Variants in ZFP1 observed in about 807,000 individuals in gnomAD.
ZFP1 encodes ZFP1 zinc finger protein.
Under a neutral mutation model 38.5 loss-of-function variants are expected in ZFP1, and 32 were observed. The ratio of observed to expected loss-of-function variants is 0.83; its 90% CI spans 0.63 to 1.12. ZFP1 has a LOEUF of 1.12. Ranked by LOEUF, ZFP1 falls within the 50% of genes most tolerant of loss-of-function variation. The probability of loss-of-function intolerance (pLI) is 0.00; values close to 1 mark genes in which losing one functional copy is unlikely to be tolerated. For synonymous variants in ZFP1, 245 were observed against 168.8 expected (o/e 1.45, Z -3.50); for missense variants, 616 against 480.8 (o/e 1.28, Z -2.63).
At position 75,169,815 on chromosome 16, in the gene ZFP1, T is replaced by C. The variant is rs1489600643; in HGVS notation, c.705T>C (p.Thr235=). The part of the protein sequence containing the change: ...ANLIKHQRIH[T]GEKPFECPEC... ...TCATCAAACATCAGAGAATTCACAC[T>C]GGGGAGAAACCTTTCGAGTGTCCGG... The change falls in exon 4 of 4, where the codon ACT becomes ACC. Residue 235 remains threonine, a synonymous_variant. Transcript: ENST00000570010. 1 of 1,614,120 alleles carries C rather than the reference T, an allele frequency of 6.2e-7. No homozygotes were observed. The highest frequency in any genetic ancestry group is 1.7e-5 in the Admixed American group (1 of 60,012).
At position 75,170,375 on chromosome 16, in the gene ZFP1, C is replaced by G. The variant is rs773595267; in HGVS notation, c.*41C>G. 18 of 1,521,720 alleles carry G rather than the reference C, an allele frequency of 1.2e-5. No individual in the cohort carries two copies. The highest frequency in any genetic ancestry group is 1.4e-5 in the Non-Finnish European group (16 of 1,136,056). 94.3% of individuals were successfully genotyped at this position (1,521,720 alleles called of 1,614,324 possible). ...TTACTGTGGAAAACTCCTGCCAGAA[C>G]TCTTCAAGCGGGTGAAAAACCTCAT... On this transcript the variant is annotated 3_prime_UTR_variant, in exon 4 of 4. Transcript: ENST00000570010.
chr16:75,134,759 A>T, the ZFP1 span, among the ~76,000 whole-genome samples: 1 of 150,696 alleles, frequency 6.6e-6, no homozygotes. Flanking sequence ...TCAAAAAAAA[A>T]AAAATTAGCC....
At chr16:75,120,809 G>A in the ZFP1 span, among the ~76,000 whole-genome samples, 2 of 145,456 alleles carry the variant, frequency 1.4e-5, no homozygotes, top group African/African-American at 2.5e-5. Context: ...TGTATTTTTA[G>A]TAGAGACGGG....
At chr16:75,164,179 G>T (rs1390759269) in intron 2 of ZFP1, among the ~76,000 whole-genome samples, 1 of 152,076 alleles carries the variant, frequency 6.6e-6, no homozygotes, top group African/African-American at 2.4e-5. Context: ...ATTGAAGTTT[G>T]TGTTGTTTTT....
At chr16:75,162,377 G>T (rs1000269076) in intron 2 of ZFP1, among the ~76,000 whole-genome samples, 1 of 151,888 alleles carries the variant, frequency 6.6e-6, no homozygotes. Flanking sequence ...ACCTGCCTTG[G>T]CTCCAAAGTG....
intron 2 of ZFP1, among the ~76,000 whole-genome samples, chr16:75,163,291 ATTG>A (rs1420514721): frequency 6.7e-6 from 1 of 149,896 alleles, no homozygotes; most frequent in African/African-American, 2.5e-5. Context: ...CCCAGCGTGC[ATTG>A]TTGTTTTTTT....
At chr16:75,152,035 TGTTTTCTGGCTTA>T (rs1221576466) in intron 1 of ZFP1, among the ~76,000 whole-genome samples, 1 of 152,212 alleles carries the variant, frequency 6.6e-6, no homozygotes, top group Non-Finnish European at 1.5e-5. Context: ...GTCACTACTT[TGTTTTCTGGCTTA>T]GTTTCTGATG....
chr16:75,166,480 T>C (rs9929570), intron 2 of ZFP1: 873,551 of 938,240 alleles, frequency 0.93, 406,854 homozygotes, highest in African/African-American at 0.99. Context: ...CCCGCCCACC[T>C]AGCCTCCCAA....
chr16:75,123,353 AATATATATATGTGTATAT>A, the ZFP1 span, among the ~76,000 whole-genome samples: 107 of 145,818 alleles, frequency 7.3e-4, 1 homozygote, highest in African/African-American at 4.0e-4. Context: ...CTCTGTCTAA[AATATATATATGTGTATAT>A]ATATATATAT....
chr16:75,136,255 C>G, the ZFP1 span, among the ~76,000 whole-genome samples: 1 of 152,134 alleles, frequency 6.6e-6, no homozygotes, highest in African/African-American at 2.4e-5. Flanking sequence ...AAGGCGCTGA[C>G]ATAAGTAACT....
the ZFP1 span, among the ~76,000 whole-genome samples, chr16:75,123,935 CAA>C: frequency 4.0e-5 from 6 of 150,170 alleles, no homozygotes; most frequent in East Asian, 4.2e-4. Context: ...ACTAAAAATA[CAA>C]AAAAAAATTA....
chr16:75,169,718 A>G lies in ZFP1; in HGVS notation c.608A>G (p.Lys203Arg). The G allele has an allele frequency of 6.2e-7, 1 of 1,613,318 alleles. No individual in the cohort carries two copies. Among genetic ancestry groups the G allele is most frequent in the Non-Finnish European group, 8.5e-7 (1 of 1,179,610 alleles). Residue 203 changes from lysine (K) to arginine (R), a missense_variant, in exon 4 of 4, where the codon AAG (lysine) becomes AGG (arginine). Coordinates refer to ENST00000570010, the MANE Select transcript of ZFP1 (RefSeq NM_153688.4). ...TTTAAGTCACTCCTCATTAGTCATAAGAGAATACATACTGGAGAAAAGCCA... is the reference window on the plus strand; with the variant it reads ...TTTAAGTCACTCCTCATTAGTCATAGGAGAATACATACTGGAGAAAAGCCA... ...FSFKSLLISH[K>R]RIHTGEKPYE...
Position 75,170,431 on chromosome 16 carries a change from C to G in ZFP1, c.*97C>G. 1 of 1,424,118 alleles carries G rather than the reference C, an allele frequency of 7.0e-7. No individual in the cohort carries two copies. The highest frequency in any genetic ancestry group is 1.8e-5 in the South Asian group (1 of 55,126). The allele number at this position is 1,424,118 out of a possible 1,614,324, so 88.2% of individuals were successfully genotyped here. A position where few individuals can be genotyped will look rare whatever the true frequency, so the allele number is the denominator to read the frequency against. On this transcript the variant is annotated 3_prime_UTR_variant, in exon 4 of 4. Transcript: ENST00000570010. ...TATTGAGGGAACATGGGAATTCATA[C>G]TGAGATGCAATCTCTCAACTCAAAA...
chr16:75,121,793 T>C, the ZFP1 span, among the ~76,000 whole-genome samples: 1 of 152,302 alleles, frequency 6.6e-6, no homozygotes, highest in South Asian at 2.1e-4. Flanking sequence ...TCGTCAAATA[T>C]TTTTTCAAGT....
chr16:75,146,767 C>T (rs1176289333), upstream of ZFP1, among the ~76,000 whole-genome samples: 1 of 151,758 alleles, frequency 6.6e-6, no homozygotes, highest in Non-Finnish European at 1.5e-5. Context: ...GGCAAAATGC[C>T]ATCTCTACAA....
rs111377400 is a variant in ZFP1, at chr16:75,158,512, A to T, written c.15+5546A>T. Among the ~76,000 whole-genome samples, 441 of 149,272 alleles carry T rather than the reference A, an allele frequency of 3.0e-3. 3 individuals carry two copies. Among genetic ancestry groups the T allele is most frequent in the African/African-American group, 0.01 (409 of 40,632 alleles). ...CCTGTGACAGTTAATTTTAATTTTA[A>T]TTTTTTTTATTTTTTTTGTCGTGAT... On this transcript the variant is annotated intron_variant, in intron 2 of 3. Coordinates refer to ENST00000570010, the MANE Select transcript of ZFP1 (RefSeq NM_153688.4).
At chr16:75,167,840 T>C (rs539787892) in intron 3 of ZFP1, among the ~76,000 whole-genome samples, 3 of 152,166 alleles carry the variant, frequency 2.0e-5, no homozygotes, top group Non-Finnish European at 4.4e-5. Context: ...CTCATGCTTA[T>C]AATCCTAGCA....
rs1339028963 is a variant in ZFP1, at chr16:75,169,340, C to T, written c.230C>T (p.Thr77Ile). ...ARQFLILKNQTPIEERGDLFG... is the reference protein window; with the variant it reads ...ARQFLILKNQIPIEERGDLFG... ...CAATTTTTAATTCTTAAGAACCAAA[C>T]CCCAATTGAGGAAAGAGGCGATCTC... The change falls in exon 4 of 4, where the codon ACC becomes ATC. Residue 77 changes from threonine (T) to isoleucine (I), a missense_variant. Physicochemically the swap from Thr to Ile is moderately conservative, Grantham distance 89 (BLOSUM62 -1). Transcript: ENST00000570010. 1.9e-6 allele frequency: 3 copies of T among 1,614,112 alleles called. No individual in the cohort carries two copies. Among genetic ancestry groups the T allele is most frequent in the Non-Finnish European group, 2.5e-6 (3 of 1,180,002 alleles).
chr16:75,156,834 G>T (rs910107603), intron 2 of ZFP1, among the ~76,000 whole-genome samples: 2 of 152,186 alleles, frequency 1.3e-5, no homozygotes, highest in African/African-American at 4.8e-5. Context: ...GGTATGGAGG[G>T]GAAAGACAGA....
Sources: gnomAD v4.1 joint callset for allele counts (sites outside exome capture counted in the v4.1 genomes callset) on GRCh38, gnomAD v4.1.1 for gene constraint, MANE v1.5 for transcripts, NCBI Gene and HGNC (gene_info 2026-07-23, HGNC 2026-07-21) for gene names.